ROBO2: variants seen among roughly 807,000 people sequenced by gnomAD.
ROBO2 encodes the protein roundabout homolog 2.
Under a neutral mutation model 160.8 loss-of-function variants are expected in ROBO2, and 53 were observed. That is an observed-to-expected ratio of 0.33 (90% CI 0.26 to 0.41). The LOEUF (loss-of-function observed/expected upper bound fraction) is 0.41, where lower values mean the gene tolerates loss of function less well. ROBO2 is among the 10% of genes least tolerant of loss of function. ROBO2 has a pLI of 1.00. For missense variants in ROBO2, 1,577 were observed against 1,722.4 expected (o/e 0.92, Z 1.49); for synonymous variants, 664 against 611.7 (o/e 1.09, Z -1.26).
chr3:77,460,951 A>G (rs1327627354), intron 2 of ROBO2, among the ~76,000 whole-genome samples: 1 of 152,148 alleles, frequency 6.6e-6, no homozygotes, highest in East Asian at 1.9e-4. Flanking sequence ...CCGCTGTTGT[A>G]TGGAAGTCTT....
chr3:76,197,532 G>C (rs1702319316), intron 2 of ROBO2, among the ~76,000 whole-genome samples: 1 of 152,114 alleles, frequency 6.6e-6, no homozygotes, highest in South Asian at 2.1e-4. Context: ...AATCCACCGA[G>C]TTAATCAATT....
chr3:76,989,458 C>T (rs1236024365), intron 2 of ROBO2, among the ~76,000 whole-genome samples: 1 of 151,842 alleles, frequency 6.6e-6, no homozygotes, highest in Non-Finnish European at 1.5e-5. Context: ...CCATTATAGT[C>T]TCTGTAAGTA....
At chr3:76,042,760 T>C (rs887659238) in intron 2 of ROBO2, among the ~76,000 whole-genome samples, 2 of 152,040 alleles carry the variant, frequency 1.3e-5, no homozygotes, top group African/African-American at 4.8e-5. Context: ...TCAGGCATTG[T>C]ATGGAAGAAC....
At chr3:76,889,172 C>A (rs2074149121) in intron 2 of ROBO2, among the ~76,000 whole-genome samples, 1 of 152,124 alleles carries the variant, frequency 6.6e-6, no homozygotes, top group South Asian at 2.1e-4. Context: ...AGAGAGAAAC[C>A]CTTCACCTAG....
intron 2 of ROBO2, among the ~76,000 whole-genome samples, chr3:76,124,388 A>G (rs1232416307): frequency 2.6e-5 from 4 of 152,048 alleles, no homozygotes; most frequent in East Asian, 3.9e-4. Context: ...TATATGCCCT[A>G]AAGTTTCCTT....
rs1358793542 is a variant in ROBO2 at position 77,414,622 on chromosome 3, G to A, written c.389-62792G>A. ...GCTAGGCACAAGTGTAGAAGTGACT[G>A]TAATGTAGGCACATAGACAGATTAT... On this transcript the variant is annotated intron_variant, in intron 2 of 25. Transcript: ENST00000461745. 2.0e-5 allele frequency among the ~76,000 whole-genome samples: 3 copies of A among 152,320 alleles called. No homozygotes were observed. In the East Asian group the frequency reaches 5.8e-4, roughly 29 times the overall value.
chr3:76,512,124 T>G (rs954502368), intron 2 of ROBO2, among the ~76,000 whole-genome samples: 1 of 152,052 alleles, frequency 6.6e-6, no homozygotes, highest in Non-Finnish European at 1.5e-5. Flanking sequence ...AAAAACATTG[T>G]TAATGAGGCA....
intron 2 of ROBO2, among the ~76,000 whole-genome samples, chr3:76,881,198 G>A (rs1345907077): frequency 6.6e-6 from 1 of 152,094 alleles, no homozygotes; most frequent in Admixed American, 6.6e-5. Context: ...ATTAAATTGG[G>A]TCAGAGTGCG....
At chr3:76,136,365 A>C (rs1370253474) in intron 2 of ROBO2, among the ~76,000 whole-genome samples, 1 of 151,878 alleles carries the variant, frequency 6.6e-6, no homozygotes, top group Non-Finnish European at 1.5e-5. Context: ...ACAAAAAATG[A>C]CTTAAAATGA....
intron 2 of ROBO2, among the ~76,000 whole-genome samples, chr3:77,147,288 A>G (rs1284867172): frequency 6.6e-6 from 1 of 152,110 alleles, no homozygotes; most frequent in African/African-American, 2.4e-5. Flanking sequence ...ATCTGCCTGA[A>G]GCTCAGTATC....
chr3:77,574,384 T>A (rs2093710012), intron 13 of ROBO2, 115 bp from the exon 15 acceptor site: 1 of 830,994 alleles, frequency 1.2e-6, no homozygotes, highest in Non-Finnish European at 2.0e-6. Context: ...AGTCATGACA[T>A]CACTCAGTTG....
chr3:77,329,444 C>T (rs1368078938), intron 2 of ROBO2, among the ~76,000 whole-genome samples: 2 of 152,184 alleles, frequency 1.3e-5, no homozygotes, highest in Non-Finnish European at 1.5e-5. Context: ...AATGACATAA[C>T]GTGTTAACCC....
intron 2 of ROBO2, among the ~76,000 whole-genome samples, chr3:77,456,187 G>T (rs929246964): frequency 3.9e-5 from 6 of 152,258 alleles, no homozygotes; most frequent in Middle Eastern, 3.4e-3. Flanking sequence ...AATGTTGAAA[G>T]CTATATTATT....
At chr3:77,058,564 C>T (rs1277963882) in intron 1 of ROBO2, among the ~76,000 whole-genome samples, 1 of 152,078 alleles carries the variant, frequency 6.6e-6, no homozygotes, top group Non-Finnish European at 1.5e-5. Context: ...TAGGGTCTCA[C>T]GCCTCTCACC....
chr3:77,221,289 G>A (rs1304287252), intron 2 of ROBO2, among the ~76,000 whole-genome samples: 2 of 152,138 alleles, frequency 1.3e-5, no homozygotes, highest in Non-Finnish European at 2.9e-5. Context: ...TAGATAGAAG[G>A]TGTTGCTTAC....
At chr3:75,930,209 A>T (rs193274138) in intron 1 of ROBO2, among the ~76,000 whole-genome samples, 1 of 151,994 alleles carries the variant, frequency 6.6e-6, no homozygotes, top group Non-Finnish European at 1.5e-5. Context: ...TGCCACCAGG[A>T]TCTAGATGCA....
rs148665083 is a variant in ROBO2 at position 76,753,449 on chromosome 3, C to T, written c.110-344565C>T. Among the ~76,000 whole-genome samples, 897 of 151,762 alleles carry T rather than the reference C, an allele frequency of 5.9e-3. 5 individuals carry two copies. The highest frequency in any genetic ancestry group is 0.024 in the Middle Eastern group (7 of 294). ...ATCCAATAAAATTATACTTTTATTT[C>T]AAACTACAAATATACATCCACAGTA... On this transcript the variant is annotated intron_variant, in intron 2 of 26. Transcript: ENST00000487694.
At chr3:77,228,132 T>C (rs180871019) in intron 2 of ROBO2, among the ~76,000 whole-genome samples, 144 of 152,270 alleles carry the variant, frequency 9.5e-4, no homozygotes, top group African/African-American at 3.3e-3. Flanking sequence ...TATTATAGTA[T>C]CCAAACTAGT....
At chr3:77,629,435 C>G (rs1264180173) in intron 23 of ROBO2, 1 of 152,012 alleles carries the variant, frequency 6.6e-6, no homozygotes, top group Non-Finnish European at 1.5e-5. Flanking sequence ...GAAAGAAACT[C>G]AACTATTTTT....
Sources: allele counts gnomAD v4.1 joint callset (sites outside exome capture counted in the v4.1 genomes callset), GRCh38; gene constraint gnomAD v4.1.1; transcripts MANE v1.5; gene names NCBI Gene and HGNC (gene_info 2026-07-23, HGNC 2026-07-21).